The following COL8A2 variants were observed in gnomAD, a reference collection of about 807,000 sequenced individuals.
COL8A2 encodes collagen alpha-2(VIII) chain.
In COL8A2, 16 loss-of-function variants were observed where a neutral mutation model predicts 24.0. The ratio of observed to expected loss-of-function variants is 0.67; its 90% CI spans 0.45 to 1.01. COL8A2 has a LOEUF of 1.01. Ranked by LOEUF, COL8A2 falls within the 50% of genes least tolerant of loss-of-function variation. COL8A2 has a pLI of 0.00. For missense variants in COL8A2, 818 were observed against 942.4 expected, an observed-to-expected ratio of 0.87 and a Z score of 1.73; for synonymous variants, 466 against 424.5, an observed-to-expected ratio of 1.10 and a Z score of -1.20.
chr1:36,110,635 G>A (rs763524861), intron 2 of COL8A2, among the ~76,000 whole-genome samples: 3 of 152,110 alleles, frequency 2.0e-5, no homozygotes, highest in Non-Finnish European at 4.4e-5. Flanking sequence ...GATTACAGGG[G>A]TACACACCAT....
chr1:36,100,331 G>A (rs562985985), intron 2 of COL8A2, 73 bp from the exon 3 acceptor site: 1 of 1,314,420 alleles, frequency 7.6e-7, no homozygotes, highest in South Asian at 1.3e-5. Flanking sequence ...GTCACCAAAA[G>A]ATCAGAATTT....
intron 2 of COL8A2, among the ~76,000 whole-genome samples, chr1:36,114,921 T>C (rs933646716): frequency 5.3e-5 from 8 of 152,158 alleles, no homozygotes; most frequent in African/African-American, 1.9e-4. Flanking sequence ...CCCTGGCCTC[T>C]GCCCATCTCT....
At chr1:36,105,060 G>C (rs1057156673) in intron 2 of COL8A2, among the ~76,000 whole-genome samples, 1 of 152,126 alleles carries the variant, frequency 6.6e-6, no homozygotes. Context: ...GGTTGTGGGC[G>C]TCTGGGGATG....
At chr1:36,109,885 T>A (rs1388683373) in intron 2 of COL8A2, among the ~76,000 whole-genome samples, 1 of 150,292 alleles carries the variant, frequency 6.7e-6, no homozygotes, top group African/African-American at 2.5e-5. Context: ...TGTAAGCCAC[T>A]GCGCCAGGCC....
chr1:36,099,781 G>C (rs1643646635), intron 3 of COL8A2, among the ~76,000 whole-genome samples: 1 of 152,190 alleles, frequency 6.6e-6, no homozygotes, highest in African/African-American at 2.4e-5. Context: ...GTGGCCACCA[G>C]GTGGCACCAG....
intron 2 of COL8A2, among the ~76,000 whole-genome samples, chr1:36,113,002 G>A (rs950460112): frequency 1.3e-5 from 2 of 152,220 alleles, no homozygotes; most frequent in African/African-American, 4.8e-5. Context: ...GCTTCCTGGA[G>A]GAGGAGGCAT....
intron 1 of COL8A2, among the ~76,000 whole-genome samples, chr1:36,116,009 AAG>A (rs1463888760): frequency 6.6e-6 from 1 of 151,602 alleles, no homozygotes; most frequent in Non-Finnish European, 1.5e-5. Context: ...AGACTGCAGT[AAG>A]CTATGATTGC....
At position 36,098,324 on chromosome 1, in the gene COL8A2, GGA is replaced by G; in HGVS notation, c.1355_1356del (p.Leu452ProfsTer86). ...GGACCCCTCAGGCCAGGCTGCCCAG[GGA>G]GCCCCAAGTCACCTTTCTGCCCCAG... Reference protein sequence around the residue: ...GALGQKGDLGLPGQPGLRGPS... With the variant: ...GALGQKGDLGXPGQPGLRGPS... On this transcript the variant is annotated frameshift_variant, in exon 4 of 4. Coordinates refer to ENST00000397799, the MANE Select transcript of COL8A2 (RefSeq NM_005202.4). LOFTEE classifies it high-confidence loss of function. 6.5e-7 allele frequency: 1 copy of G among 1,549,008 alleles called. No individual in the cohort carries two copies. The highest frequency in any genetic ancestry group is 8.7e-7 in the Non-Finnish European group (1 of 1,146,906).
intron 1 of COL8A2, among the ~76,000 whole-genome samples, chr1:36,119,161 G>A (rs910066158): frequency 5.3e-5 from 8 of 152,328 alleles, no homozygotes; most frequent in Non-Finnish European, 7.3e-5. Flanking sequence ...TCTGAATCCA[G>A]CTCTGCCCAG....
chr1:36,125,176 C>G lies in COL8A2; in HGVS notation c.-181G>C, dbSNP rs1237781756. ...CGTTGGGGTCCGGGGTCCGCGCCGG[C>G]GGGGTTCCGCGTCGCTCTGCCGGCC... On this transcript the variant is annotated 5_prime_UTR_variant, in exon 1 of 4. Coordinates refer to ENST00000397799, the MANE Select transcript of COL8A2 (RefSeq NM_005202.4). The surrounding 1 kb of genome is among the most constrained non-coding windows in gnomAD (Gnocchi z 4.5). The G allele has an allele frequency of 2.3e-6, 1 of 441,966 alleles. No homozygotes were observed. The highest frequency in any genetic ancestry group is 2.1e-5 in the African/African-American group (1 of 46,684). The allele number at this position is 441,966 out of a possible 1,614,324, so 27.4% of individuals were successfully genotyped here.
At position 36,099,166 on chromosome 1, in the gene COL8A2, G is replaced by T; in HGVS notation, c.515C>A (p.Pro172His). The T allele has an allele frequency of 6.7e-7, 1 of 1,497,426 alleles. No homozygotes were observed. Among genetic ancestry groups the T allele is most frequent in the South Asian group, 1.3e-5 (1 of 75,532 alleles). The allele number at this position is 1,497,426 out of a possible 1,614,324, so 92.8% of individuals were successfully genotyped here. A position where few individuals can be genotyped will look rare whatever the true frequency, so the allele number is the denominator to read the frequency against. The stretch of plus-strand genomic sequence containing the variant: ...CACCCCTTGGGCACCTGGTTTTCCA[G>T]GGATAGTAATGCCTGAGGGGCCCGG... ...GLPGPSGITI[P>H]GKPGAQGVPG... Residue 172 changes from proline to histidine, a missense_variant, in exon 4 of 4, where the codon CCT (proline) becomes CAT (histidine). By Grantham distance (77) the Pro-to-His change is moderately conservative. This residue lies in a region of COL8A2 where 573 missense variants were observed against 616.8 expected (regional missense o/e 0.93). Coordinates refer to ENST00000397799, the MANE Select transcript of COL8A2 (RefSeq NM_005202.4).
intron 2 of COL8A2, among the ~76,000 whole-genome samples, chr1:36,114,028 C>G (rs1305539112): frequency 6.6e-6 from 1 of 151,970 alleles, no homozygotes; most frequent in Admixed American, 6.6e-5. Flanking sequence ...GGTAAAAATA[C>G]AGGTTCGTGG....
At chr1:36,111,700 G>T (rs1415911031) in intron 2 of COL8A2, among the ~76,000 whole-genome samples, 1 of 152,096 alleles carries the variant, frequency 6.6e-6, no homozygotes, top group East Asian at 1.9e-4. Flanking sequence ...ACAGGTGTAA[G>T]CCACCACGCT....
At chr1:36,104,097 G>A (rs1449583092) in intron 2 of COL8A2, among the ~76,000 whole-genome samples, 7 of 152,130 alleles carry the variant, frequency 4.6e-5, no homozygotes, top group African/African-American at 7.2e-5. Flanking sequence ...GGGGGGCTGC[G>A]GCAGGAGAAT....
intron 2 of COL8A2, among the ~76,000 whole-genome samples, chr1:36,102,444 G>A (rs945445667): frequency 2.6e-5 from 4 of 151,896 alleles, no homozygotes; most frequent in Non-Finnish European, 5.9e-5. Flanking sequence ...GGGACCACAG[G>A]CACGTGCCAC....
At chr1:36,112,206 T>C (rs1258830421) in intron 2 of COL8A2, among the ~76,000 whole-genome samples, 1 of 152,110 alleles carries the variant, frequency 6.6e-6, no homozygotes, top group Non-Finnish European at 1.5e-5. Context: ...GGTTTCACCA[T>C]GTTATCCAGG....
rs984148057 is a variant in COL8A2, at chr1:36,115,946, C to T, written c.-61-194G>A. Among the ~76,000 whole-genome samples, 17 of 151,894 alleles carry T rather than the reference C, an allele frequency of 1.1e-4. No homozygotes were observed. Among genetic ancestry groups the T allele is most frequent in the African/African-American group, 4.1e-4 (17 of 41,326 alleles). On this transcript the variant is annotated intron_variant, in intron 1 of 3. Transcript: ENST00000397799. The surrounding 1 kb of genome is among the most constrained non-coding windows in gnomAD (Gnocchi z 5.7). ...GGGCATGATGGTGCACGCCTATAGT[C>T]CCAGCTACTTAGGAGGCTGAGGTGG... is the stretch of plus-strand genomic sequence containing the variant.
chr1:36,110,023 A>G (rs1643817411), intron 2 of COL8A2, among the ~76,000 whole-genome samples: 1 of 144,646 alleles, frequency 6.9e-6, no homozygotes, highest in African/African-American at 2.6e-5. Context: ...TCCACCACCT[A>G]GGTTCACGCC....
At position 36,097,758 on chromosome 1, in the gene COL8A2, G is replaced by C. The variant is rs752940687; in HGVS notation, c.1923C>G (p.Asn641Lys). 3.1e-6 allele frequency: 5 copies of C among 1,613,754 alleles called. No homozygotes were observed. Among genetic ancestry groups the C allele is most frequent in the South Asian group, 2.2e-5 (2 of 91,076 alleles). ...CATCGTAGGTATAGGTGGCCGGCACGTTGTTCTTGTACAGGGCCACCCACA... is the reference window on the plus strand; with the variant it reads ...CATCGTAGGTATAGGTGGCCGGCACCTTGTTCTTGTACAGGGCCACCCACA... ...TNVWVALYKN[N>K]VPATYTYDEY... The change falls in exon 4 of 4, where the codon AAC (asparagine) becomes AAG (lysine). Residue 641 changes from asparagine (N) to lysine (K), a missense_variant. Coordinates refer to ENST00000397799, the MANE Select transcript of COL8A2 (RefSeq NM_005202.4).
Sources: gnomAD v4.1 joint callset for allele counts (sites outside exome capture counted in the v4.1 genomes callset) on GRCh38, gnomAD v4.1.1 for gene constraint, gnomAD v4.1.1 regional missense constraint, Gnocchi (gnomAD v3.1) non-coding constraint, MANE v1.5 for transcripts, NCBI Gene and HGNC (gene_info 2026-07-23, HGNC 2026-07-21) for gene names.